The following CDH26 variants were observed in gnomAD, a reference collection of about 807,000 sequenced individuals.
The protein encoded by CDH26 is cadherin 26, also known as cadherin-like protein 26.
In CDH26, 83 loss-of-function variants were observed where a neutral mutation model predicts 90.3. The ratio of observed to expected loss-of-function variants is 0.92; its 90% CI spans 0.77 to 1.10. CDH26 has a LOEUF of 1.10. Among genes scored for constraint, CDH26 ranks in the 50% least tolerant of loss-of-function variants. CDH26 has a pLI of 0.00. For missense variants in CDH26, 1,013 were observed against 1,037.6 expected (o/e 0.98, Z 0.33); for synonymous variants, 397 against 396.3 (o/e 1.00, Z -0.02).
chr20:60,002,792 A>G, intron 15 of CDH26, 21 bp from the exon 16 acceptor site: 1 of 1,572,384 alleles, frequency 6.4e-7, no homozygotes, highest in Non-Finnish European at 8.7e-7. Flanking sequence ...GAAATCAGTA[A>G]ATATTTCATC....
chr20:59,962,928 A>G (rs2061094826), intron 1 of CDH26, among the ~76,000 whole-genome samples: 1 of 152,206 alleles, frequency 6.6e-6, no homozygotes, highest in South Asian at 2.1e-4. Context: ...AATACAAGCT[A>G]TGCTATCAGT....
chr20:60,007,274 T>C (rs555950302), intron 17 of CDH26, among the ~76,000 whole-genome samples: 22 of 152,314 alleles, frequency 1.4e-4, no homozygotes, highest in African/African-American at 5.3e-4. Flanking sequence ...ATCACTTTCA[T>C]GGAAATCCTC....
In CDH26 at chr20:60,012,513, C is replaced by T. The variant is rs2061859024; in HGVS notation, c.2296-14C>T. On this transcript the variant is annotated splice_polypyrimidine_tract_variant and intron_variant, in intron 17 of 17. Coordinates refer to ENST00000348616, the MANE Select transcript of CDH26 (RefSeq NM_177980.4). ...ACATGGCATTTACCTTCTCTTTCCC[C>T]CACTTTTCCCCAGAAACTCCATGTT... 3.1e-6 allele frequency: 5 copies of T among 1,608,278 alleles called. No homozygotes were observed. The South Asian group carries it at 3.3e-5, about 11-fold the overall frequency.
chr20:60,034,188 G>A (rs534672650), downstream of CDH26, among the ~76,000 whole-genome samples: 2 of 152,304 alleles, frequency 1.3e-5, no homozygotes, highest in East Asian at 3.9e-4. Context: ...GTGTCTCCCT[G>A]CATTCCAGCT....
At chr20:59,991,751 A>G (rs1388070032) in intron 9 of CDH26, among the ~76,000 whole-genome samples, 1 of 152,202 alleles carries the variant, frequency 6.6e-6, no homozygotes, top group Non-Finnish European at 1.5e-5. Context: ...GCCTGAGTCC[A>G]GGAGGTTCCT....
chr20:59,974,913 C>G (rs561655821), intron 4 of CDH26, among the ~76,000 whole-genome samples: 30 of 152,208 alleles, frequency 2.0e-4, no homozygotes, highest in African/African-American at 7.2e-4. Flanking sequence ...ATGCTGATCT[C>G]CCCTCTTAGA....
chr20:59,995,052 A>C (rs1247658587), intron 11 of CDH26, among the ~76,000 whole-genome samples: 1 of 152,232 alleles, frequency 6.6e-6, no homozygotes, highest in African/African-American at 2.4e-5. Flanking sequence ...CTGTGCCTCT[A>C]GCCGTGGCGT....
intron 7 of CDH26, among the ~76,000 whole-genome samples, chr20:60,021,391 A>G (rs1457754426): frequency 6.6e-6 from 1 of 152,162 alleles, no homozygotes; most frequent in Non-Finnish European, 1.5e-5. Context: ...AGTAATTGCA[A>G]CAGAGACCCC....
At chr20:59,970,281 T>G (rs1251542924) in intron 3 of CDH26, 95 bp downstream of exon 3, 1 of 1,508,186 alleles carries the variant, frequency 6.6e-7, no homozygotes, top group Non-Finnish European at 8.9e-7. Flanking sequence ...GGTTATGTGC[T>G]AGTGAGGCCA....
intron 13 of CDH26, 47 bp downstream of exon 13, chr20:59,996,808 T>C (rs776416006): frequency 2.6e-5 from 42 of 1,611,548 alleles, no homozygotes; most frequent in Non-Finnish European, 2.5e-6. Context: ...AATTCACTAA[T>C]ACACAGACAT....
chr20:59,992,557 C>T lies in CDH26; in HGVS notation c.1426+37C>T, dbSNP rs2061541584. 1 of 1,608,634 alleles carries T rather than the reference C, an allele frequency of 6.2e-7. No individual in the cohort carries two copies. The highest frequency in any genetic ancestry group is 8.5e-7 in the Non-Finnish European group (1 of 1,175,462). On this transcript the variant is annotated intron_variant, in intron 10 of 17. Transcript: ENST00000348616. The surrounding 1 kb of genome is among the most constrained non-coding windows in gnomAD (Gnocchi z 5.0). ...CCCAAAATTGGAAAAATAAAATGCTCATTCTTGCTTCCTGCGGGAAAATAA... is the reference window on the plus strand; with the variant it reads ...CCCAAAATTGGAAAAATAAAATGCTTATTCTTGCTTCCTGCGGGAAAATAA...
At chr20:60,000,205 A>G (rs1375538139) in intron 14 of CDH26, among the ~76,000 whole-genome samples, 1 of 152,214 alleles carries the variant, frequency 6.6e-6, no homozygotes, top group Non-Finnish European at 1.5e-5. Flanking sequence ...GGCTAGCACC[A>G]GAGTGACACT....
intron 7 of CDH26, chr20:60,031,201 T>G: frequency 9.3e-7 from 1 of 1,074,092 alleles, no homozygotes; most frequent in African/African-American, 1.7e-5. Flanking sequence ...GAGAACCTTC[T>G]AATGAGCACC....
At chr20:60,001,646 A>C (rs1022189272) in intron 15 of CDH26, 1 of 979,254 alleles carries the variant, frequency 1.0e-6, no homozygotes, top group Non-Finnish European at 1.2e-6. Flanking sequence ...TCCTGATCAA[A>C]TATGACACTT....
In CDH26 at chr20:59,996,616, T is replaced by A; in HGVS notation, c.1889-15T>A. On this transcript the variant is annotated splice_polypyrimidine_tract_variant and intron_variant, in intron 12 of 17. Transcript: ENST00000348616. ...GAGCTTGTCTAATCTGTTTTTCCCC[T>A]TTGTCTTATAACAGTGGCTCTGCTT... 1 of 1,614,238 alleles carries A rather than the reference T, an allele frequency of 6.2e-7. No individual in the cohort carries two copies. Among genetic ancestry groups the A allele is most frequent in the Admixed American group, 1.7e-5 (1 of 60,038 alleles).
Position 59,992,526 on chromosome 20 carries a change from T to A in CDH26, c.1426+6T>A. ...CATTCACGCTGTTGATGATGGTGAG[T>A]GTTTACCCAAAATTGGAAAAATAAA... On this transcript the variant is annotated splice_donor_region_variant and intron_variant, in intron 10 of 17. Coordinates refer to ENST00000348616, the MANE Select transcript of CDH26 (RefSeq NM_177980.4). The surrounding 1 kb of genome is among the most constrained non-coding windows in gnomAD (Gnocchi z 5.0). 2 of 1,612,594 alleles carry A rather than the reference T, an allele frequency of 1.2e-6. No homozygotes were observed. The highest frequency in any genetic ancestry group is 1.7e-6 in the Non-Finnish European group (2 of 1,179,336).
intron 4 of CDH26, among the ~76,000 whole-genome samples, chr20:59,979,877 T>G (rs2061374862): frequency 6.6e-6 from 1 of 152,016 alleles, no homozygotes; most frequent in African/African-American, 2.4e-5. Context: ...TCCACCTGCC[T>G]CAGCCTCCCA....
At chr20:59,998,542 C>G (rs76952483) in intron 13 of CDH26, among the ~76,000 whole-genome samples, 2 of 152,122 alleles carry the variant, frequency 1.3e-5, no homozygotes, top group East Asian at 3.8e-4. Context: ...GACAAGAGAA[C>G]CTCATGCTGG....
chr20:59,963,290 G>A (rs537388874), intron 1 of CDH26, among the ~76,000 whole-genome samples: 7 of 131,272 alleles, frequency 5.3e-5, no homozygotes, highest in African/African-American at 2.1e-4. Context: ...TCACTCTGCT[G>A]CCCAGGCTGG....
Sources: gnomAD v4.1 joint callset for allele counts (sites outside exome capture counted in the v4.1 genomes callset) on GRCh38, gnomAD v4.1.1 for gene constraint, Gnocchi (gnomAD v3.1) non-coding constraint, MANE v1.5 for transcripts, NCBI Gene and HGNC (gene_info 2026-07-23, HGNC 2026-07-21) for gene names.